NKAIN2: variants seen among roughly 807,000 people sequenced by gnomAD.
NKAIN2 encodes the protein sodium/potassium-transporting ATPase subunit beta-1-interacting protein 2.
NKAIN2 carries 14 observed loss-of-function variants against 32.6 expected under a neutral mutation model. That is an observed-to-expected ratio of 0.43 (90% CI 0.28 to 0.67). The LOEUF is 0.67. NKAIN2 is among the 30% of genes least tolerant of loss of function. The probability of loss-of-function intolerance (pLI) is 0.17; values close to 1 mark genes in which losing one functional copy is unlikely to be tolerated. For missense variants in NKAIN2, 198 were observed against 258.3 expected (o/e 0.77, Z 1.60); for synonymous variants, 80 against 87.2 (o/e 0.92, Z 0.46).
intron 1 of NKAIN2, among the ~76,000 whole-genome samples, chr6:124,234,733 A>G (rs1443409377): frequency 6.6e-6 from 1 of 152,118 alleles, no homozygotes; most frequent in African/African-American, 2.4e-5. Context: ...CTGGCCATGT[A>G]GGATTTACTA....
At chr6:124,391,194 G>T (rs1313437380) in intron 3 of NKAIN2, 1 of 152,086 alleles carries the variant, frequency 6.6e-6, no homozygotes, top group African/African-American at 2.4e-5. Flanking sequence ...TTACTGAGTA[G>T]TATCAGGTAA....
At chr6:124,482,012 A>G (rs557197912) in intron 3 of NKAIN2, among the ~76,000 whole-genome samples, 2 of 152,320 alleles carry the variant, frequency 1.3e-5, no homozygotes, top group Non-Finnish European at 2.9e-5. Context: ...GAAAGATGAT[A>G]ATAAAACTCC....
intron 1 of NKAIN2, among the ~76,000 whole-genome samples, chr6:124,112,294 T>C (rs1785422201): frequency 6.6e-6 from 1 of 152,198 alleles, no homozygotes; most frequent in African/African-American, 2.4e-5. Context: ...AGTCTTTATC[T>C]CTCTTTCATT....
intron 4 of NKAIN2, among the ~76,000 whole-genome samples, chr6:124,687,977 C>T (rs1774068975): frequency 6.6e-6 from 1 of 151,602 alleles, no homozygotes; most frequent in African/African-American, 2.4e-5. Flanking sequence ...TTTTTTGCTT[C>T]CAGCAACCAG....
At chr6:123,891,504 G>A (rs1225303414) in intron 1 of NKAIN2, among the ~76,000 whole-genome samples, 2 of 152,066 alleles carry the variant, frequency 1.3e-5, no homozygotes, top group Non-Finnish European at 2.9e-5. Flanking sequence ...ACTGAATGTG[G>A]ACTGTGGGTT....
chr6:123,874,401 C>A (rs1773064782), intron 1 of NKAIN2, among the ~76,000 whole-genome samples: 1 of 152,036 alleles, frequency 6.6e-6, no homozygotes, highest in Admixed American at 6.6e-5. Context: ...ACTGCTAGAC[C>A]CTGATCTCAG....
intron 4 of NKAIN2, among the ~76,000 whole-genome samples, chr6:124,752,388 G>A (rs1777761400): frequency 6.6e-6 from 1 of 152,074 alleles, no homozygotes; most frequent in South Asian, 2.1e-4. Flanking sequence ...AAAGTGAGAA[G>A]TAACGAGAGT....
intron 3 of NKAIN2, among the ~76,000 whole-genome samples, chr6:124,634,554 C>CA (rs1355085622): frequency 4.6e-5 from 7 of 151,098 alleles, no homozygotes; most frequent in African/African-American, 7.3e-5. Flanking sequence ...GTCACACACA[C>CA]AAAAAAAGAA....
At chr6:124,395,091 A>G (rs548049337) in intron 3 of NKAIN2, among the ~76,000 whole-genome samples, 70 of 152,308 alleles carry the variant, frequency 4.6e-4, no homozygotes, top group Non-Finnish European at 9.0e-4. Context: ...TCCTCTGTAT[A>G]TAATTAAAAA....
intron 5 of NKAIN2, among the ~76,000 whole-genome samples, chr6:124,791,848 T>A (rs1295531403): frequency 6.6e-6 from 1 of 152,180 alleles, no homozygotes; most frequent in Admixed American, 6.5e-5. Context: ...TGACTTCAGA[T>A]TAATTCAGAG....
chr6:124,000,863 A>G (rs1235765392), intron 1 of NKAIN2, among the ~76,000 whole-genome samples: 5 of 152,090 alleles, frequency 3.3e-5, no homozygotes, highest in East Asian at 1.9e-4. Flanking sequence ...TGTAAGTGTC[A>G]TTGGCATAGA....
chr6:123,827,669 G>A (rs568829270), intron 1 of NKAIN2, among the ~76,000 whole-genome samples: 1 of 152,216 alleles, frequency 6.6e-6, no homozygotes, highest in African/African-American at 2.4e-5. Context: ...CACTTTTTAT[G>A]AAATGGTGCT....
At chr6:124,636,756 A>G (rs1783787524) in intron 3 of NKAIN2, among the ~76,000 whole-genome samples, 1 of 152,052 alleles carries the variant, frequency 6.6e-6, no homozygotes, top group African/African-American at 2.4e-5. Flanking sequence ...CGATTGATCA[A>G]TAATAAAGTC....
At chr6:124,314,589 T>A (rs927189910) in intron 2 of NKAIN2, among the ~76,000 whole-genome samples, 4 of 152,126 alleles carry the variant, frequency 2.6e-5, no homozygotes, top group African/African-American at 9.7e-5. Context: ...GCATAGCCCT[T>A]CAGAGTTGTG....
intron 1 of NKAIN2, among the ~76,000 whole-genome samples, chr6:123,999,809 A>G (rs1015918207): frequency 1.3e-5 from 2 of 152,112 alleles, no homozygotes; most frequent in Non-Finnish European, 2.9e-5. Context: ...AGAGAGAGAA[A>G]TGTCAGAATA....
intron 1 of NKAIN2, among the ~76,000 whole-genome samples, chr6:124,198,941 G>A (rs1790464881): frequency 6.6e-6 from 1 of 152,216 alleles, no homozygotes; most frequent in Admixed American, 6.5e-5. Flanking sequence ...GGTTGTGTGG[G>A]ACACTTTGCG....
At chr6:124,573,576 C>T (rs1781216530) in intron 3 of NKAIN2, among the ~76,000 whole-genome samples, 1 of 151,974 alleles carries the variant, frequency 6.6e-6, no homozygotes, top group Non-Finnish European at 1.5e-5. Context: ...TGCAAACCTG[C>T]TCATAATTTT....
Position 124,379,610 on chromosome 6 carries a change from T to A in NKAIN2, c.273+24263T>A, listed in dbSNP as rs544698954. 7.2e-5 allele frequency among the ~76,000 whole-genome samples: 11 copies of A among 152,132 alleles called. No homozygotes were observed. In the South Asian group the frequency reaches 1.5e-3, roughly 20 times the overall value. On this transcript the variant is annotated intron_variant, in intron 3 of 6. Transcript: ENST00000368417. Reference sequence around the variant, plus strand: ...AGGTGGGACAGAGGCTTGGAAAAGGTCTAGAAGTGGAAGCTTACCTGACTG... The same window carrying A: ...AGGTGGGACAGAGGCTTGGAAAAGGACTAGAAGTGGAAGCTTACCTGACTG...
intron 4 of NKAIN2, among the ~76,000 whole-genome samples, chr6:124,739,915 T>A (rs1324053944): frequency 6.6e-6 from 1 of 151,840 alleles, no homozygotes; most frequent in Non-Finnish European, 1.5e-5. Context: ...TAGAAAGGAA[T>A]GGACTATGCT....
Sources: gnomAD v4.1 joint callset for allele counts (sites outside exome capture counted in the v4.1 genomes callset) on GRCh38, gnomAD v4.1.1 for gene constraint, MANE v1.5 for transcripts, NCBI Gene and HGNC (gene_info 2026-07-23, HGNC 2026-07-21) for gene names.